The following SYNE2 variants were observed in gnomAD, a reference collection of about 807,000 sequenced individuals.
The protein encoded by SYNE2 is nesprin-2.
In SYNE2, 431 loss-of-function variants were observed where a neutral mutation model predicts 856.3. That is an observed-to-expected ratio of 0.50 (90% CI 0.47 to 0.55). The LOEUF (loss-of-function observed/expected upper bound fraction) is 0.55, where lower values mean the gene tolerates loss of function less well. Ranked by LOEUF, SYNE2 falls within the 20% of genes least tolerant of loss-of-function variation. The probability of loss-of-function intolerance (pLI) is 0.00; values close to 1 mark genes in which losing one functional copy is unlikely to be tolerated. For missense variants in SYNE2, 8,129 were observed against 8,023.2 expected (o/e 1.01, Z -0.50); for synonymous variants, 2,923 against 2,872.3 (o/e 1.02, Z -0.56).
intron 85 of SYNE2, among the ~76,000 whole-genome samples, chr14:64,155,428 A>G (rs972934939): frequency 9.2e-5 from 14 of 152,216 alleles, no homozygotes; most frequent in African/African-American, 3.1e-4. Flanking sequence ...GACAGAAGGC[A>G]GATTAGTGGC....
chr14:63,826,562 A>G (rs968517051), intron 1 of SYNE2, among the ~76,000 whole-genome samples: 1 of 152,126 alleles, frequency 6.6e-6, no homozygotes, highest in East Asian at 1.9e-4. Context: ...GGCCTCCCTA[A>G]GTGCTGGGAT....
chr14:63,858,262 CTTTTTTTTTTTTTTTTTTT>C (rs61091259), intron 1 of SYNE2, among the ~76,000 whole-genome samples: 7 of 52,932 alleles, frequency 1.3e-4, no homozygotes, highest in South Asian at 1.1e-3. Flanking sequence ...CCACACCGGC[CTTTTTTTTTTTTTTTTTTT>C]TTTTTTTTTT....
chr14:63,772,567 C>T (rs1008617411), intron 1 of SYNE2, among the ~76,000 whole-genome samples: 8 of 151,512 alleles, frequency 5.3e-5, no homozygotes, highest in African/African-American at 1.9e-4. Flanking sequence ...CACGGTGAAA[C>T]CCCATCTCCA....
At chr14:63,798,456 T>C (rs183402420) in intron 1 of SYNE2, among the ~76,000 whole-genome samples, 1 of 151,228 alleles carries the variant, frequency 6.6e-6, no homozygotes, top group Non-Finnish European at 1.5e-5. Context: ...TGCAGTGGTA[T>C]GGTCTCGGCT....
intron 57 of SYNE2, chr14:64,085,179 C>T: frequency 3.6e-6 from 2 of 549,524 alleles, no homozygotes; most frequent in Non-Finnish European, 6.5e-6. Flanking sequence ...TTCAAATGTT[C>T]CTCCCACCTT....
At chr14:63,903,387 G>C (rs2095363719) in intron 1 of SYNE2, among the ~76,000 whole-genome samples, 1 of 152,136 alleles carries the variant, frequency 6.6e-6, no homozygotes, top group South Asian at 2.1e-4. Context: ...AATTTTCATG[G>C]TTAAAAACAG....
At chr14:64,196,645 T>C (rs2098541926) in intron 99 of SYNE2, 1 of 152,176 alleles carries the variant, frequency 6.6e-6, no homozygotes, top group Non-Finnish European at 1.5e-5. Flanking sequence ...ACAGAGAAAT[T>C]TAATTTGAGG....
At chr14:63,932,633 G>A (rs2095776664) in intron 2 of SYNE2, among the ~76,000 whole-genome samples, 1 of 152,158 alleles carries the variant, frequency 6.6e-6, no homozygotes, top group African/African-American at 2.4e-5. Context: ...GAGCCGTGGA[G>A]TTCCAGGCTG....
intron 1 of SYNE2, among the ~76,000 whole-genome samples, chr14:63,763,524 A>G (rs1407580280): frequency 6.6e-6 from 1 of 152,062 alleles, no homozygotes; most frequent in Admixed American, 6.6e-5. Context: ...AGACAGGGTA[A>G]CATGGCGAGA....
At chr14:64,205,379 A>G (rs2098600360) in intron 100 of SYNE2, among the ~76,000 whole-genome samples, 1 of 152,226 alleles carries the variant, frequency 6.6e-6, no homozygotes, top group Non-Finnish European at 1.5e-5. Flanking sequence ...GTCACACAAA[A>G]GAATTATGTA....
intron 68 of SYNE2, 134 bp downstream of exon 68, chr14:64,121,195 G>A: frequency 7.9e-7 from 1 of 1,269,440 alleles, no homozygotes; most frequent in Non-Finnish European, 1.1e-6. Context: ...TTCGAGGCCA[G>A]CCTGGGCAAC....
intron 1 of SYNE2, among the ~76,000 whole-genome samples, chr14:63,797,049 A>G (rs1043890697): frequency 1.3e-5 from 2 of 149,716 alleles, no homozygotes; most frequent in African/African-American, 4.9e-5. Flanking sequence ...ACTGCACTCC[A>G]GCCTAGGTAA....
At chr14:64,152,412 A>G (rs891879709) in intron 84 of SYNE2, 152 bp from the exon 85 acceptor site, 1 of 727,828 alleles carries the variant, frequency 1.4e-6, no homozygotes, top group East Asian at 2.7e-5. Flanking sequence ...TTGAACTAAG[A>G]GTATTATGAT....
chr14:64,106,711 A>T lies in SYNE2; in HGVS notation c.12493-780A>T, dbSNP rs554986686. ...AGTCTGTCATTTCTCTTTAACTTAGATTATGGTATCTTTTGTGGTGCATAT... is the reference window on the plus strand; with the variant it reads ...AGTCTGTCATTTCTCTTTAACTTAGTTTATGGTATCTTTTGTGGTGCATAT... On this transcript the variant is annotated intron_variant, in intron 64 of 115. Transcript: ENST00000555002. Among the ~76,000 whole-genome samples, 541 of 152,292 alleles carry T rather than the reference A, an allele frequency of 3.6e-3. 2 individuals carry two copies. Among genetic ancestry groups the T allele is most frequent in the Non-Finnish European group, 6.3e-3 (429 of 68,014 alleles).
At chr14:63,793,770 C>CG (rs962619036) in intron 1 of SYNE2, among the ~76,000 whole-genome samples, 37 of 151,046 alleles carry the variant, frequency 2.4e-4, no homozygotes, top group African/African-American at 8.3e-4. Flanking sequence ...GGCCCCCCCC[C>CG]AACTAAAAAA....
At chr14:63,831,509 G>T (rs1889665811) in intron 1 of SYNE2, among the ~76,000 whole-genome samples, 1 of 142,862 alleles carries the variant, frequency 7.0e-6, no homozygotes, top group Admixed American at 7.0e-5. Flanking sequence ...ATTTCTCATT[G>T]ACTTCTGGAA....
At chr14:64,153,302 C>G (rs2098259603) in intron 85 of SYNE2, among the ~76,000 whole-genome samples, 1 of 152,210 alleles carries the variant, frequency 6.6e-6, no homozygotes, top group Non-Finnish European at 1.5e-5. Context: ...AGAGCGAGCT[C>G]AGGCATCTCT....
intron 1 of SYNE2, among the ~76,000 whole-genome samples, chr14:63,789,833 A>G (rs1242495055): frequency 6.6e-6 from 1 of 152,006 alleles, no homozygotes; most frequent in Non-Finnish European, 1.5e-5. Flanking sequence ...CCAAAGACAG[A>G]TTGGGAATAT....
intron 52 of SYNE2, among the ~76,000 whole-genome samples, chr14:64,073,609 A>G (rs1298072280): frequency 7.9e-5 from 12 of 152,172 alleles, no homozygotes; most frequent in Admixed American, 7.2e-4. Flanking sequence ...GCCCAGTGGG[A>G]TTGTCTGTCC....
Sources: gnomAD v4.1 joint callset for allele counts (sites outside exome capture counted in the v4.1 genomes callset) on GRCh38, gnomAD v4.1.1 for gene constraint, MANE v1.5 for transcripts, NCBI Gene and HGNC (gene_info 2026-07-23, HGNC 2026-07-21) for gene names.